The following NAALADL2 variants were observed in gnomAD, a reference collection of about 807,000 sequenced individuals.
NAALADL2 encodes inactive N-acetylated-alpha-linked acidic dipeptidase-like protein 2.
A neutral mutation model predicts 87.2 loss-of-function variants in NAALADL2; 76 were observed. The observed-to-expected ratio is 0.87, with a 90% CI of 0.72 to 1.05. The LOEUF (loss-of-function observed/expected upper bound fraction) is 1.05. Ranked by LOEUF, NAALADL2 falls within the 50% of genes least tolerant of loss-of-function variation. The pLI is 0.00. For missense variants in NAALADL2, 1,089 were observed against 945.8 expected (o/e 1.15, Z -1.99); for synonymous variants, 354 against 331.0 (o/e 1.07, Z -0.75).
At chr3:175,422,045 T>C (rs1404200780) in intron 5 of NAALADL2, among the ~76,000 whole-genome samples, 2 of 152,082 alleles carry the variant, frequency 1.3e-5, no homozygotes, top group East Asian at 1.9e-4. Context: ...CACCCCATCA[T>C]AGGCTATATT....
At chr3:174,622,427 A>G (rs1440993639) in intron 2 of NAALADL2, among the ~76,000 whole-genome samples, 1 of 152,202 alleles carries the variant, frequency 6.6e-6, no homozygotes, top group Non-Finnish European at 1.5e-5. Flanking sequence ...TTATGTTTAG[A>G]TTGTAAGGTA....
chr3:175,351,268 AAAAT>A (rs1220298834), intron 5 of NAALADL2, among the ~76,000 whole-genome samples: 12 of 152,122 alleles, frequency 7.9e-5, no homozygotes, highest in Admixed American at 7.2e-4. Flanking sequence ...ATTTCTCAAT[AAAAT>A]AAATACTCAT....
intron 3 of NAALADL2, among the ~76,000 whole-genome samples, chr3:174,826,477 T>C (rs1440996404): frequency 6.6e-6 from 1 of 152,216 alleles, no homozygotes; most frequent in Non-Finnish European, 1.5e-5. Context: ...TGAGGCCTCA[T>C]TAAATGTTGG....
intron 9 of NAALADL2, among the ~76,000 whole-genome samples, chr3:175,565,912 C>A (rs975473544): frequency 1.4e-5 from 2 of 144,356 alleles, no homozygotes; most frequent in Middle Eastern, 3.8e-3. Flanking sequence ...TCACCGCAAC[C>A]TTCGCCTCCT....
chr3:175,591,828 GTA>G (rs1721525731), intron 10 of NAALADL2, among the ~76,000 whole-genome samples: 1 of 118,462 alleles, frequency 8.4e-6, no homozygotes, highest in African/African-American at 3.1e-5. Context: ...ATATATATAT[GTA>G]TGAAAATGCT....
chr3:175,502,230 T>C (rs763388930), intron 9 of NAALADL2, among the ~76,000 whole-genome samples: 1 of 100,894 alleles, frequency 9.9e-6, no homozygotes, highest in Non-Finnish European at 1.8e-5. Flanking sequence ...TTATCCTGGG[T>C]GTGTGTGTGT....
At chr3:175,337,650 A>G (rs1762128198) in intron 5 of NAALADL2, among the ~76,000 whole-genome samples, 1 of 152,308 alleles carries the variant, frequency 6.6e-6, no homozygotes, top group Non-Finnish European at 1.5e-5. Flanking sequence ...ATAAATTTCT[A>G]TTGTTTTAAG....
chr3:174,508,527 A>G (rs1461960073), intron 1 of NAALADL2, among the ~76,000 whole-genome samples: 1 of 152,160 alleles, frequency 6.6e-6, no homozygotes, highest in African/African-American at 2.4e-5. Flanking sequence ...CTGAAATTTT[A>G]ATTTCGATTT....
chr3:175,495,834 A>G (rs1049764028), intron 9 of NAALADL2, among the ~76,000 whole-genome samples: 1 of 151,432 alleles, frequency 6.6e-6, no homozygotes, highest in Non-Finnish European at 1.5e-5. Context: ...AATGTGATTA[A>G]CCTGCCATTT....
chr3:175,297,176 A>G (rs569936470), intron 4 of NAALADL2, among the ~76,000 whole-genome samples: 1 of 152,298 alleles, frequency 6.6e-6, no homozygotes, highest in South Asian at 2.1e-4. Context: ...AAGGCCTAAA[A>G]TATTTACTAT....
chr3:174,927,029 GAA>G (rs552773959), intron 1 of NAALADL2, among the ~76,000 whole-genome samples: 1 of 99,128 alleles, frequency 1.0e-5, no homozygotes, highest in Non-Finnish European at 2.3e-5. Flanking sequence ...AGCAAATGAA[GAA>G]AAAAAAAAAA....
At chr3:174,790,448 G>A (rs1717319519) in intron 3 of NAALADL2, among the ~76,000 whole-genome samples, 1 of 151,922 alleles carries the variant, frequency 6.6e-6, no homozygotes, top group Non-Finnish European at 1.5e-5. Flanking sequence ...TCAGGAGTTC[G>A]AGACCAGCCT....
chr3:175,091,578 G>A (rs1720131257), intron 1 of NAALADL2, among the ~76,000 whole-genome samples: 2 of 151,894 alleles, frequency 1.3e-5, no homozygotes, highest in African/African-American at 4.8e-5. Flanking sequence ...TACTGTTTGA[G>A]TTAAAATATT....
At chr3:174,685,892 C>T (rs1727992199) in intron 2 of NAALADL2, among the ~76,000 whole-genome samples, 1 of 140,654 alleles carries the variant, frequency 7.1e-6, no homozygotes, top group Non-Finnish European at 1.5e-5. Flanking sequence ...TCATTTATCT[C>T]CCATGTATAA....
rs144100501 is a variant in NAALADL2 at position 175,618,086 on chromosome 3, A to G, written c.1801-9205A>G. ...CTGCTTGCAGGGCAACCTCCTTCTCAGCAGTAGTCAGGGTTTGATTCAAAA... is the reference window on the plus strand; with the variant it reads ...CTGCTTGCAGGGCAACCTCCTTCTCGGCAGTAGTCAGGGTTTGATTCAAAA... On this transcript the variant is annotated intron_variant, in intron 10 of 13. Coordinates refer to ENST00000454872, the MANE Select transcript of NAALADL2 (RefSeq NM_207015.3). Among the ~76,000 whole-genome samples the G allele has an allele frequency of 2.9e-3, 449 of 152,304 alleles. 2 individuals carry two copies. Among genetic ancestry groups the G allele is most frequent in the African/African-American group, 0.01 (435 of 41,564 alleles).
intron 6 of NAALADL2, among the ~76,000 whole-genome samples, chr3:175,453,111 T>C (rs953092039): frequency 7.9e-5 from 12 of 152,304 alleles, no homozygotes; most frequent in African/African-American, 2.2e-4. Context: ...TGTTTTCTAC[T>C]TTTTCAATAT....
chr3:175,015,312 G>A (rs1045320491), intron 1 of NAALADL2, among the ~76,000 whole-genome samples: 1 of 151,968 alleles, frequency 6.6e-6, no homozygotes, highest in African/African-American at 2.4e-5. Flanking sequence ...GTATATGTGT[G>A]CATGCATTTT....
At chr3:174,907,270 AAAG>A (rs1217420403) in intron 1 of NAALADL2, among the ~76,000 whole-genome samples, 8 of 152,080 alleles carry the variant, frequency 5.3e-5, no homozygotes, top group African/African-American at 1.7e-4. Flanking sequence ...AGATCTAAAA[AAAG>A]AAGAAGAAAA....
chr3:175,188,357 C>T (rs1010419339), intron 2 of NAALADL2, among the ~76,000 whole-genome samples: 6 of 152,078 alleles, frequency 3.9e-5, no homozygotes, highest in Admixed American at 3.9e-4. Context: ...AATATTGCTC[C>T]CTACACCTGA....
Sources: allele counts gnomAD v4.1 joint callset (sites outside exome capture counted in the v4.1 genomes callset), GRCh38; gene constraint gnomAD v4.1.1; transcripts MANE v1.5; gene names NCBI Gene and HGNC (gene_info 2026-07-23, HGNC 2026-07-21).